UBA6: variants seen among roughly 807,000 people sequenced by gnomAD.
The protein encoded by UBA6 is ubiquitin-like modifier-activating enzyme 6.
Under a neutral mutation model 148.3 loss-of-function variants are expected in UBA6, and 87 were observed. That is an observed-to-expected ratio of 0.59 (90% CI 0.49 to 0.70). UBA6 has a LOEUF of 0.70. Ranked by LOEUF, UBA6 falls within the 30% of genes least tolerant of loss-of-function variation. The pLI is 0.00. For missense variants in UBA6, 1,186 were observed against 1,241.2 expected (o/e 0.96, Z 0.67); for synonymous variants, 376 against 401.0 (o/e 0.94, Z 0.75).
In UBA6 at chr4:67,618,091, A is replaced by G. The variant is rs1304743200; in HGVS notation, c.*906T>C. On this transcript the variant is annotated 3_prime_UTR_variant, in exon 33 of 33. Coordinates refer to ENST00000322244, the MANE Select transcript of UBA6 (RefSeq NM_018227.6). ...TACCCTAATTAGGTTTCTGGAAAAA[A>G]AAAAGACTACCCTAGCAATAATTTT... 8 of 151,732 alleles carry G rather than the reference A, an allele frequency of 5.3e-5. No individual in the cohort carries two copies. Among genetic ancestry groups the G allele is most frequent in the Middle Eastern group, 3.2e-3 (1 of 316 alleles). The allele number at this position is 151,732 out of a possible 1,614,324, so 9.4% of individuals were successfully genotyped here. A position where few individuals can be genotyped will look rare whatever the true frequency, so the allele number is the denominator to read the frequency against.
In UBA6 at chr4:67,670,586, T is replaced by C. The variant is rs759182593; in HGVS notation, c.553A>G (p.Ser185Gly). The change falls in exon 8 of 33, where the codon AGT (serine) becomes GGT (glycine). Residue 185 changes from serine (S) to glycine (G), a missense_variant. Coordinates refer to ENST00000322244, the MANE Select transcript of UBA6 (RefSeq NM_018227.6). The part of the protein sequence containing the change: ...RSQCPPIKFI[S>G]ADVHGIWSRL... ...GACCAAATTCCATGTACATCTGCAC[T>C]GATAAACTGTAAAATGGCAAAAACA... 1.2e-6 allele frequency: 2 copies of C among 1,605,064 alleles called. No individual in the cohort carries two copies. Among genetic ancestry groups the C allele is most frequent in the African/African-American group, 1.3e-5 (1 of 74,426 alleles).
At chr4:67,620,769 T>C (rs1177071486) in intron 32 of UBA6, among the ~76,000 whole-genome samples, 1 of 152,196 alleles carries the variant, frequency 6.6e-6, no homozygotes, top group Non-Finnish European at 1.5e-5. Flanking sequence ...TAGCCCTTAC[T>C]ATTATTTCAG....
intron 2 of UBA6, among the ~76,000 whole-genome samples, chr4:67,686,392 C>T (rs1244405855): frequency 6.6e-6 from 1 of 152,162 alleles, no homozygotes; most frequent in African/African-American, 2.4e-5. Context: ...CTTCTGGACA[C>T]ACTTCATTAT....
At chr4:67,654,234 G>A (rs1179110909) in intron 13 of UBA6, among the ~76,000 whole-genome samples, 1 of 152,114 alleles carries the variant, frequency 6.6e-6, no homozygotes, top group Non-Finnish European at 1.5e-5. Flanking sequence ...ACACATAATT[G>A]TCAGATTCAC....
chr4:67,681,689 ACTT>A (rs1730443584), intron 3 of UBA6, 98 bp from the exon 4 acceptor site: 3 of 806,538 alleles, frequency 3.7e-6, no homozygotes, highest in Non-Finnish European at 5.8e-6. Flanking sequence ...CATACTTTTA[ACTT>A]CTTTTTTTAC....
At position 67,616,936 on chromosome 4, in the gene UBA6, G is replaced by A. The variant is rs914390677; in HGVS notation, c.*2061C>T. The A allele has an allele frequency of 8.6e-5, 13 of 151,880 alleles. No homozygotes were observed. Among genetic ancestry groups the A allele is most frequent in the African/African-American group, 3.1e-4 (13 of 41,356 alleles). The allele number at this position is 151,880 out of a possible 1,614,324, so 9.4% of individuals were successfully genotyped here. A position where few individuals can be genotyped will look rare whatever the true frequency, so the allele number is the denominator to read the frequency against. ...TCTCATGGTACAGAAATAAAATAAT[G>A]GGAATTATCATTAACTTCACCCTGG... On this transcript the variant is annotated 3_prime_UTR_variant, in exon 33 of 33. Transcript: ENST00000322244.
chr4:67,664,362 C>T (rs1292914635), intron 10 of UBA6, among the ~76,000 whole-genome samples: 1 of 151,854 alleles, frequency 6.6e-6, no homozygotes, highest in Admixed American at 6.6e-5. Flanking sequence ...AAAATTGAGA[C>T]ATATCCAATT....
intron 6 of UBA6, among the ~76,000 whole-genome samples, chr4:67,676,186 G>A (rs1281112123): frequency 6.6e-6 from 1 of 151,960 alleles, no homozygotes; most frequent in African/African-American, 2.4e-5. Context: ...ACCACGCCCG[G>A]CTAATTTTTG....
intron 2 of UBA6, 95 bp from the exon 3 acceptor site, chr4:67,682,308 T>C (rs1166029029): frequency 2.3e-6 from 2 of 858,066 alleles, no homozygotes; most frequent in East Asian, 2.6e-5. Flanking sequence ...AGGAACTCAA[T>C]CCGGCCCACA....
intron 6 of UBA6, among the ~76,000 whole-genome samples, chr4:67,674,976 T>A (rs1051570338): frequency 6.6e-6 from 1 of 152,140 alleles, no homozygotes; most frequent in Non-Finnish European, 1.5e-5. Context: ...TTCAAGCGAT[T>A]CTCCTGCCTC....
At position 67,696,676 on chromosome 4, in the gene UBA6, C is replaced by T. The variant is rs1158667939; in HGVS notation, c.103G>A (p.Ala35Thr). The change falls in exon 2 of 33, where the codon GCA (alanine) becomes ACA (threonine). Residue 35 changes from alanine (A) to threonine (T), a missense_variant. Ala to Thr is a moderately conservative substitution (Grantham distance 58). Transcript: ENST00000322244. ...TNKNLPIMSTASVEIDDALYS... is the reference protein window; with the variant it reads ...TNKNLPIMSTTSVEIDDALYS... ...AATGCATCATCGATTTCCACAGATGCTGTTGACATAATGGGCAAATTTTTA... is the reference window on the plus strand; with the variant it reads ...AATGCATCATCGATTTCCACAGATGTTGTTGACATAATGGGCAAATTTTTA... 2 of 1,606,622 alleles carry T rather than the reference C, an allele frequency of 1.2e-6. No individual in the cohort carries two copies. The highest frequency in any genetic ancestry group is 1.7e-5 in the Admixed American group (1 of 59,378).
At position 67,629,133 on chromosome 4, in the gene UBA6, C is replaced by G; in HGVS notation, c.2338G>C (p.Ala780Pro). ...CIPFAEEDLS[A>P]DALLNILSEV... is the part of the protein sequence containing the mutation. ...GAAAGAATATTCAAGAGGGCATCTG[C>G]TGATAAGTCCTGTTTTTAAAAAAGT... The change falls in exon 27 of 33, where the codon GCA becomes CCA. Residue 780 changes from alanine (A) to proline (P), a missense_variant. Physicochemically the swap from Ala to Pro is conservative, Grantham distance 27. Coordinates refer to ENST00000322244, the MANE Select transcript of UBA6 (RefSeq NM_018227.6). The G allele has an allele frequency of 1.2e-6, 2 of 1,605,878 alleles. No individual in the cohort carries two copies. The highest frequency in any genetic ancestry group is 1.7e-6 in the Non-Finnish European group (2 of 1,173,736).
chr4:67,630,298 G>T (rs959441827), intron 26 of UBA6, among the ~76,000 whole-genome samples, 168 bp downstream of exon 26: 2 of 152,086 alleles, frequency 1.3e-5, no homozygotes, highest in Non-Finnish European at 2.9e-5. Context: ...ATACTGCAAT[G>T]AGCTTTTAGC....
intron 1 of UBA6, among the ~76,000 whole-genome samples, chr4:67,697,500 T>C (rs183946972): frequency 7.2e-4 from 110 of 152,372 alleles, no homozygotes; most frequent in African/African-American, 2.5e-3. Flanking sequence ...ACAATAACTA[T>C]TCTGATGTCT....
intron 23 of UBA6, 111 bp from the exon 24 acceptor site, chr4:67,632,019 A>C (rs1013051950): frequency 4.1e-6 from 4 of 970,512 alleles, no homozygotes; most frequent in African/African-American, 1.7e-5. Context: ...TGATTCAAAA[A>C]TCAAAACACA....
chr4:67,667,290 A>T (rs958089733), intron 9 of UBA6, among the ~76,000 whole-genome samples: 1 of 152,210 alleles, frequency 6.6e-6, no homozygotes, highest in Non-Finnish European at 1.5e-5. Flanking sequence ...CAGTTTTGTT[A>T]TACAACATGC....
In UBA6 at chr4:67,687,037, T is replaced by TC. The variant is rs529236861; in HGVS notation, c.135-4825_135-4824insG. Among the ~76,000 whole-genome samples, 4 of 143,508 alleles carry TC rather than the reference T, an allele frequency of 2.8e-5. No homozygotes were observed. The South Asian group carries it at 8.8e-4, about 32-fold the overall frequency. 94.1% of individuals were successfully genotyped at this position (143,508 alleles called of 152,430 possible). On this transcript the variant is annotated intron_variant, in intron 2 of 32. Transcript: ENST00000322244. ...TACATAAAATCTTTAAGACTATGTT[T>TC]TTTTTTTTTTTTTTTTGAGACAGAG...
chr4:67,697,087 C>T (rs1477272207), intron 1 of UBA6, among the ~76,000 whole-genome samples: 3 of 152,158 alleles, frequency 2.0e-5, no homozygotes, highest in East Asian at 1.9e-4. Flanking sequence ...CTTACTGCAA[C>T]GTCCACCTCC....
intron 2 of UBA6, among the ~76,000 whole-genome samples, chr4:67,688,469 A>G (rs1730621283): frequency 6.6e-6 from 1 of 152,136 alleles, no homozygotes; most frequent in South Asian, 2.1e-4. Flanking sequence ...TAGTAAAAAA[A>G]TAAAACCCCT....
Sources: gnomAD v4.1 joint callset for allele counts (sites outside exome capture counted in the v4.1 genomes callset) on GRCh38, gnomAD v4.1.1 for gene constraint, MANE v1.5 for transcripts, NCBI Gene and HGNC (gene_info 2026-07-23, HGNC 2026-07-21) for gene names.